CNIH3: variants seen among roughly 807,000 people sequenced by gnomAD.
CNIH3 encodes protein cornichon homolog 3.
A neutral mutation model predicts 24.1 loss-of-function variants in CNIH3; 14 were observed. The ratio of observed to expected loss-of-function variants is 0.58; its 90% confidence interval spans 0.38 to 0.91. The LOEUF (loss-of-function observed/expected upper bound fraction) is 0.91. Ranked by LOEUF, CNIH3 falls within the 40% of genes least tolerant of loss-of-function variation. The pLI is 0.00. For synonymous variants in CNIH3, 68 were observed against 73.8 expected (o/e 0.92, Z 0.40); for missense variants, 178 against 196.8 (o/e 0.90, Z 0.57).
chr1:224,697,306 G>GC (rs952812659), intron 3 of CNIH3, among the ~76,000 whole-genome samples: 5 of 152,176 alleles, frequency 3.3e-5, no homozygotes, highest in East Asian at 1.9e-4. Context: ...CCTTTGTCCC[G>GC]CCCCCCGGAA....
intron 1 of CNIH3, among the ~76,000 whole-genome samples, chr1:224,625,220 A>AG (rs1289475465): frequency 5.9e-5 from 9 of 152,134 alleles, no homozygotes; most frequent in African/African-American, 2.2e-4. Flanking sequence ...TCCCAGACTT[A>AG]CCTGGTTATG....
intron 1 of CNIH3, among the ~76,000 whole-genome samples, chr1:224,673,055 T>A (rs1223322897): frequency 6.6e-6 from 1 of 152,200 alleles, no homozygotes; most frequent in Non-Finnish European, 1.5e-5. Context: ...AACATTGAGT[T>A]TTCATTTGGG....
chr1:224,589,638 T>G (rs1681665442), downstream of CNIH3, among the ~76,000 whole-genome samples: 1 of 152,216 alleles, frequency 6.6e-6, no homozygotes, highest in African/African-American at 2.4e-5. Flanking sequence ...AGAAAAGATT[T>G]TTAATCCAAA....
chr1:224,460,801 A>T (rs1378654052), intron 1 of CNIH3, among the ~76,000 whole-genome samples: 1 of 149,024 alleles, frequency 6.7e-6, no homozygotes, highest in Non-Finnish European at 1.5e-5. Context: ...ATGTGGTCTC[A>T]TTTGGTCACC....
At chr1:224,622,239 C>T (rs1683317068) in intron 1 of CNIH3, among the ~76,000 whole-genome samples, 1 of 152,142 alleles carries the variant, frequency 6.6e-6, no homozygotes. Context: ...GTGCATTTTC[C>T]CCCATGCCTT....
At chr1:224,706,103 C>T (rs997904532) in intron 3 of CNIH3, among the ~76,000 whole-genome samples, 25 of 152,170 alleles carry the variant, frequency 1.6e-4, no homozygotes, top group East Asian at 1.2e-3. Context: ...CACCAGTGCC[C>T]GCACATTGTA....
rs114214130 is a variant in CNIH3 at position 224,489,566 on chromosome 1, C to T, written n.204-26175C>T. Among the ~76,000 whole-genome samples, 1,318 of 152,312 alleles carry T rather than the reference C, an allele frequency of 8.7e-3. 12 individuals carry two copies. The highest frequency in any genetic ancestry group is 0.034 in the Middle Eastern group (10 of 294). ...CTCCCCTCCAGCATCTACCTACTTTCGGTTGCTCTTTTGTGACTTTAGAAA... is the reference window on the plus strand; with the variant it reads ...CTCCCCTCCAGCATCTACCTACTTTTGGTTGCTCTTTTGTGACTTTAGAAA... On this transcript the variant is annotated intron_variant and non_coding_transcript_variant, in intron 1 of 5. Transcript: ENST00000471578.
chr1:224,590,834 T>C (rs1208748561), downstream of CNIH3, among the ~76,000 whole-genome samples: 1 of 120,268 alleles, frequency 8.3e-6, no homozygotes, highest in Non-Finnish European at 1.6e-5. Context: ...ACCCAAGAGA[T>C]AGATCCTGGT....
At chr1:224,444,460 G>A (rs1053310043) in intron 1 of CNIH3, among the ~76,000 whole-genome samples, 32 of 152,088 alleles carry the variant, frequency 2.1e-4, no homozygotes, top group Admixed American at 1.8e-3. Flanking sequence ...CTGGGTTCAA[G>A]TGATTCTCCT....
intron 1 of CNIH3, among the ~76,000 whole-genome samples, chr1:224,646,472 C>T (rs1011792215): frequency 2.1e-4 from 32 of 152,208 alleles, no homozygotes; most frequent in Admixed American, 1.2e-3. Context: ...GTGGCACAGT[C>T]GTGGCTCACT....
chr1:224,633,537 AATGG>A (rs1683934218), intron 1 of CNIH3, among the ~76,000 whole-genome samples: 1 of 152,196 alleles, frequency 6.6e-6, no homozygotes, highest in Non-Finnish European at 1.5e-5. Flanking sequence ...GTACTCATAA[AATGG>A]ATGGAAAGTC....
At chr1:224,607,978 T>A (rs191234128) in intron 3 of CNIH3, among the ~76,000 whole-genome samples, 2 of 152,204 alleles carry the variant, frequency 1.3e-5, no homozygotes, top group Non-Finnish European at 2.9e-5. Context: ...AGGGTTAACA[T>A]GTCCTGGTGT....
At chr1:224,563,602 A>G (rs900434009) in intron 3 of CNIH3, among the ~76,000 whole-genome samples, 1 of 152,120 alleles carries the variant, frequency 6.6e-6, no homozygotes, top group Non-Finnish European at 1.5e-5. Flanking sequence ...TAGAGTACTT[A>G]AGATTGGCAT....
intron 5 of CNIH3, among the ~76,000 whole-genome samples, chr1:224,584,362 A>G (rs1681405714): frequency 6.6e-6 from 1 of 152,240 alleles, no homozygotes; most frequent in African/African-American, 2.4e-5. Context: ...AGACAATATT[A>G]TGCCTGGCAG....
At chr1:224,567,072 A>G (rs1319834496) in intron 4 of CNIH3, among the ~76,000 whole-genome samples, 2 of 152,228 alleles carry the variant, frequency 1.3e-5, no homozygotes, top group African/African-American at 4.8e-5. Context: ...AACTGGCATG[A>G]GATGGTATCT....
chr1:224,727,075 T>C (rs1178270007), intron 3 of CNIH3, among the ~76,000 whole-genome samples: 1 of 152,152 alleles, frequency 6.6e-6, no homozygotes, highest in African/African-American at 2.4e-5. Context: ...TATGCCTGCC[T>C]GGTGGTTATT....
At chr1:224,584,707 A>G (rs1681422544) in intron 5 of CNIH3, among the ~76,000 whole-genome samples, 1 of 149,178 alleles carries the variant, frequency 6.7e-6, no homozygotes, top group Non-Finnish European at 1.5e-5. Context: ...TTTTGGAAAA[A>G]TGAAGCATTT....
At chr1:224,657,583 T>G (rs1247104991) in intron 1 of CNIH3, among the ~76,000 whole-genome samples, 1 of 152,204 alleles carries the variant, frequency 6.6e-6, no homozygotes, top group East Asian at 1.9e-4. Context: ...AAAAAATTAT[T>G]TCAGTCCTCT....
chr1:224,469,651 G>A (rs1676288843), intron 1 of CNIH3, among the ~76,000 whole-genome samples: 1 of 152,192 alleles, frequency 6.6e-6, no homozygotes. Flanking sequence ...GGGACCACAG[G>A]CATGTGCCAT....
Sources: gnomAD v4.1 joint callset for allele counts (sites outside exome capture counted in the v4.1 genomes callset) on GRCh38, gnomAD v4.1.1 for gene constraint, MANE v1.5 for transcripts, NCBI Gene and HGNC (gene_info 2026-07-23, HGNC 2026-07-21) for gene names.